The following TBC1D4 variants were observed in gnomAD, a reference collection of about 807,000 sequenced individuals.
TBC1D4 encodes TBC (Tre-2, BUB2, CDC16) domain-containing protein.
TBC1D4 carries 121 observed loss-of-function variants against 142.5 expected under a neutral mutation model. The observed-to-expected ratio is 0.85, with a 90% CI of 0.73 to 0.99. The LOEUF is 0.99. TBC1D4 is among the 50% of genes least tolerant of loss of function. The probability of loss-of-function intolerance (pLI) is 0.00; values close to 1 mark genes in which losing one functional copy is unlikely to be tolerated. For synonymous variants in TBC1D4, 630 were observed against 628.2 expected (o/e 1.00, Z -0.04); for missense variants, 1,475 against 1,606.6 (o/e 0.92, Z 1.40).
intron 1 of TBC1D4, among the ~76,000 whole-genome samples, chr13:75,365,164 G>C (rs1349519666): frequency 6.6e-6 from 1 of 152,094 alleles, no homozygotes; most frequent in Admixed American, 6.6e-5. Context: ...TTATCATCTT[G>C]AATTCTAAAC....
At chr13:75,457,317 C>A (rs192426826) in intron 1 of TBC1D4, among the ~76,000 whole-genome samples, 1 of 152,086 alleles carries the variant, frequency 6.6e-6, no homozygotes, top group African/African-American at 2.4e-5. Flanking sequence ...TACTTTTGCC[C>A]AGATCATTCT....
chr13:75,371,760 C>T (rs990413382), intron 1 of TBC1D4, among the ~76,000 whole-genome samples: 7 of 152,044 alleles, frequency 4.6e-5, no homozygotes, highest in Non-Finnish European at 1.5e-5. Context: ...GTAAAATGAA[C>T]CCATGTAGGT....
chr13:75,468,888 C>T (rs892288807), intron 1 of TBC1D4, among the ~76,000 whole-genome samples: 1 of 152,176 alleles, frequency 6.6e-6, no homozygotes, highest in Non-Finnish European at 1.5e-5. Context: ...GGTAAGATCT[C>T]GCTCAGTGTG....
intron 2 of TBC1D4, 115 bp from the exon 3 acceptor site, chr13:75,359,973 ATT>A: frequency 1.2e-6 from 1 of 848,316 alleles, no homozygotes; most frequent in African/African-American, 1.7e-5. Flanking sequence ...AGATATATGT[ATT>A]TCATATGTGC....
chr13:75,447,011 A>T (rs1887312991), intron 1 of TBC1D4, among the ~76,000 whole-genome samples: 1 of 152,160 alleles, frequency 6.6e-6, no homozygotes, highest in Non-Finnish European at 1.5e-5. Flanking sequence ...TATAGATTGA[A>T]GGCTAAGATC....
At chr13:75,323,558 A>G (rs1878962559) in intron 11 of TBC1D4, among the ~76,000 whole-genome samples, 1 of 152,202 alleles carries the variant, frequency 6.6e-6, no homozygotes, top group African/African-American at 2.4e-5. Flanking sequence ...AAAGAACAAG[A>G]ATAAGATTTA....
In TBC1D4 at chr13:75,299,315, G is replaced by A; in HGVS notation, c.3156+15C>T. ...AATAGTCTCACACCTTCCTCGGGAA[G>A]CACAAGTGCCTCACCTGCAGCGACA... On this transcript the variant is annotated intron_variant, in intron 17 of 20. Coordinates refer to ENST00000377636, the MANE Select transcript of TBC1D4 (RefSeq NM_014832.5). The A allele has an allele frequency of 6.2e-7, 1 of 1,613,656 alleles. No individual in the cohort carries two copies. Among genetic ancestry groups the A allele is most frequent in the East Asian group, 2.2e-5 (1 of 44,876 alleles).
At chr13:75,367,301 G>A (rs1050383921) in intron 1 of TBC1D4, among the ~76,000 whole-genome samples, 6 of 152,116 alleles carry the variant, frequency 3.9e-5, no homozygotes, top group Admixed American at 6.6e-5. Context: ...TTAATCTACA[G>A]TACAATGTCT....
intron 1 of TBC1D4, among the ~76,000 whole-genome samples, chr13:75,430,934 C>T (rs951122098): frequency 1.1e-4 from 16 of 152,128 alleles, no homozygotes; most frequent in Non-Finnish European, 2.1e-4. Flanking sequence ...TTGCTGATAA[C>T]CATTCAGTGA....
intron 1 of TBC1D4, among the ~76,000 whole-genome samples, chr13:75,373,753 T>G (rs1398532312): frequency 6.6e-6 from 1 of 152,190 alleles, no homozygotes; most frequent in Non-Finnish European, 1.5e-5. Context: ...GGGACTCTAG[T>G]GAACATCATC....
chr13:75,335,950 A>G (rs1250732943), intron 8 of TBC1D4, among the ~76,000 whole-genome samples: 3 of 152,192 alleles, frequency 2.0e-5, no homozygotes, highest in East Asian at 1.9e-4. Context: ...ATAACTTTCT[A>G]TGGGAAATGA....
At chr13:75,312,945 C>T (rs1466246672) in intron 12 of TBC1D4, 47 bp from the exon 13 acceptor site, 2 of 1,605,334 alleles carry the variant, frequency 1.2e-6, no homozygotes, top group Non-Finnish European at 1.7e-6. Flanking sequence ...AGCTGCACAT[C>T]ATGGCACTTC....
At chr13:75,449,314 A>G (rs1319896100) in intron 1 of TBC1D4, among the ~76,000 whole-genome samples, 2 of 151,982 alleles carry the variant, frequency 1.3e-5, no homozygotes, top group African/African-American at 4.8e-5. Flanking sequence ...ACACACACAC[A>G]ATTTTTTTTC....
At chr13:75,466,158 T>C (rs568227972) in intron 1 of TBC1D4, among the ~76,000 whole-genome samples, 49 of 152,360 alleles carry the variant, frequency 3.2e-4, no homozygotes, top group Admixed American at 1.0e-3. Context: ...TTTGACTCTT[T>C]TCATCAACAC....
Position 75,286,710 on chromosome 13 carries a change from C to T in TBC1D4, c.*82G>A, listed in dbSNP as rs980389872. On this transcript the variant is annotated 3_prime_UTR_variant, in exon 21 of 21. Transcript: ENST00000377636. ...AGGTGGTTCCATCAGCTTCAGGGTC[C>T]AGCCTTGGGCCAGCGACATGCAGGC... 2 of 1,418,134 alleles carry T rather than the reference C, an allele frequency of 1.4e-6. No homozygotes were observed. The highest frequency in any genetic ancestry group is 9.8e-7 in the Non-Finnish European group (1 of 1,023,222). The allele number at this position is 1,418,134 out of a possible 1,614,324, so 87.8% of individuals were successfully genotyped here. A position where few individuals can be genotyped will look rare whatever the true frequency, so the allele number is the denominator to read the frequency against.
intron 13 of TBC1D4, among the ~76,000 whole-genome samples, chr13:75,312,452 A>AAAGAAAGAAAGAAAG (rs1566366375): frequency 9.4e-6 from 1 of 106,322 alleles, no homozygotes; most frequent in African/African-American, 3.1e-5. Context: ...AAGAAAGAAA[A>AAAGAAAGAAAGAAAG]AGGACATACA....
At chr13:75,481,195 T>TGCCCCCCCCCCCCCCC in intron 1 of TBC1D4, 75 bp downstream of exon 1, 13 of 1,292,678 alleles carry the variant, frequency 1.0e-5, no homozygotes, top group Middle Eastern at 2.8e-4. Flanking sequence ...TAAAGTGGGG[T>TGCCCCCCCCCCCCCCC]CCCCGCCCCT....
rs530656570 is a variant in TBC1D4 at position 75,461,667 on chromosome 13, T to A, written c.498+19603A>T. Among the ~76,000 whole-genome samples the A allele has an allele frequency of 7.9e-4, 121 of 152,310 alleles. 1 individual carries two copies. Among genetic ancestry groups the A allele is most frequent in the South Asian group, 6.2e-3 (30 of 4,830 alleles). On this transcript the variant is annotated intron_variant, in intron 1 of 20. Coordinates refer to ENST00000377636, the MANE Select transcript of TBC1D4 (RefSeq NM_014832.5). ...TCATTAAAATTTCCTAATCATTGAG[T>A]TCTTCATTTCCTACATACAGGTAGC...
chr13:75,319,994 A>C lies in TBC1D4; in HGVS notation c.2222+20T>G. The C allele has an allele frequency of 1.2e-6, 2 of 1,611,662 alleles. No homozygotes were observed. Among genetic ancestry groups the C allele is most frequent in the Non-Finnish European group, 1.7e-6 (2 of 1,178,698 alleles). ...ATCTGTGAATTTTTTTTAAATAAAA[A>C]TACGTAGACCTCTAATCACCTTGAT... On this transcript the variant is annotated intron_variant, in intron 12 of 20. Coordinates refer to ENST00000377636, the MANE Select transcript of TBC1D4 (RefSeq NM_014832.5).
Sources: gnomAD v4.1 joint callset for allele counts (sites outside exome capture counted in the v4.1 genomes callset) on GRCh38, gnomAD v4.1.1 for gene constraint, MANE v1.5 for transcripts, NCBI Gene and HGNC (gene_info 2026-07-23, HGNC 2026-07-21) for gene names.